Variants in MOGAT1 observed in about 807,000 individuals in gnomAD.
The protein encoded by MOGAT1 is 2-acylglycerol O-acyltransferase 1.
Under a neutral mutation model 31.4 loss-of-function variants are expected in MOGAT1, and 32 were observed. The ratio of observed to expected loss-of-function variants is 1.02; its 90% CI spans 0.77 to 1.37. The LOEUF (loss-of-function observed/expected upper bound fraction) is 1.37, where lower values mean the gene tolerates loss of function less well. Ranked by LOEUF, MOGAT1 falls within the 40% of genes most tolerant of loss-of-function variation. MOGAT1 has a pLI of 0.00. For synonymous variants in MOGAT1, 145 were observed against 144.5 expected (o/e 1.00, Z -0.03); for missense variants, 426 against 402.0 (o/e 1.06, Z -0.51).
chr2:222,676,848 T>C (rs1574968730), intron 1 of MOGAT1, among the ~76,000 whole-genome samples: 2 of 152,356 alleles, frequency 1.3e-5, no homozygotes, highest in East Asian at 3.9e-4. Context: ...ATAAACTTCA[T>C]GGGATTTTTG....
At chr2:222,678,959 C>A (rs1399362970) in intron 1 of MOGAT1, among the ~76,000 whole-genome samples, 3 of 152,056 alleles carry the variant, frequency 2.0e-5, no homozygotes, top group Non-Finnish European at 2.9e-5. Context: ...AAAAAAAGTT[C>A]TTTGCTTAAT....
chr2:222,706,713 G>A (rs1343819850), intron 5 of MOGAT1, among the ~76,000 whole-genome samples: 1 of 152,114 alleles, frequency 6.6e-6, no homozygotes, highest in Non-Finnish European at 1.5e-5. Flanking sequence ...CCCCTACCCT[G>A]AATAGTTACA....
intron 1 of MOGAT1, among the ~76,000 whole-genome samples, chr2:222,676,516 G>A (rs1257700329): frequency 6.6e-6 from 1 of 152,178 alleles, no homozygotes; most frequent in South Asian, 2.1e-4. Context: ...TGAATATTTG[G>A]CTCATAGCTA....
At chr2:222,690,850 T>A (rs557202362) in intron 3 of MOGAT1, among the ~76,000 whole-genome samples, 1 of 152,372 alleles carries the variant, frequency 6.6e-6, no homozygotes, top group East Asian at 1.9e-4. Context: ...GGGGAATTAC[T>A]TCTCTTCCTT....
chr2:222,709,186 T>C (rs934403506), intron 5 of MOGAT1, among the ~76,000 whole-genome samples: 3 of 150,430 alleles, frequency 2.0e-5, no homozygotes, highest in African/African-American at 7.3e-5. Flanking sequence ...GGCATGGTGG[T>C]GGGAGCCTGT....
chr2:222,692,817 C>T (rs1692782295), intron 3 of MOGAT1, among the ~76,000 whole-genome samples: 11 of 152,108 alleles, frequency 7.2e-5, no homozygotes, highest in Admixed American at 6.5e-4. Context: ...GAGGAGTGGC[C>T]AGAGGCAAGC....
chr2:222,708,360 A>G (rs1284362318), intron 5 of MOGAT1, among the ~76,000 whole-genome samples: 2 of 152,202 alleles, frequency 1.3e-5, no homozygotes, highest in African/African-American at 4.8e-5. Flanking sequence ...TTGGGATTAC[A>G]GGCGTGAGAC....
intron 1 of MOGAT1, among the ~76,000 whole-genome samples, chr2:222,679,670 C>CCTGTATAG (rs1692550152): frequency 6.6e-6 from 1 of 152,186 alleles, no homozygotes; most frequent in Non-Finnish European, 1.5e-5. Flanking sequence ...GCAAAGGAAT[C>CCTGTATAG]CACATGTTGT....
At chr2:222,700,453 C>T (rs1165124061) in intron 5 of MOGAT1, among the ~76,000 whole-genome samples, 1 of 152,132 alleles carries the variant, frequency 6.6e-6, no homozygotes, top group African/African-American at 2.4e-5. Context: ...TGCTTCAGTC[C>T]CTCCCTCTAC....
intron 1 of MOGAT1, among the ~76,000 whole-genome samples, chr2:222,684,463 AC>A (rs1250536912): frequency 6.6e-6 from 1 of 152,190 alleles, no homozygotes; most frequent in Non-Finnish European, 1.5e-5. Context: ...ATGATTTGAA[AC>A]AAAAAATGTA....
At chr2:222,698,477 C>G (rs1271097015) in intron 5 of MOGAT1, 1 of 152,162 alleles carries the variant, frequency 6.6e-6, no homozygotes, top group Non-Finnish European at 1.5e-5. Context: ...TGCTGGTGAT[C>G]CTGAACAGGA....
At chr2:222,676,721 T>C (rs900484240) in intron 1 of MOGAT1, among the ~76,000 whole-genome samples, 5 of 152,242 alleles carry the variant, frequency 3.3e-5, no homozygotes, top group Non-Finnish European at 5.9e-5. Flanking sequence ...ATGAGAGCTC[T>C]AATTGCTCCA....
chr2:222,681,281 T>C (rs1189096624), intron 1 of MOGAT1, among the ~76,000 whole-genome samples: 2 of 152,210 alleles, frequency 1.3e-5, no homozygotes, highest in South Asian at 2.1e-4. Context: ...CAAGTCCAGG[T>C]TGGCACTTGT....
intron 5 of MOGAT1, among the ~76,000 whole-genome samples, chr2:222,704,249 T>C (rs1045357211): frequency 6.6e-6 from 1 of 152,106 alleles, no homozygotes; most frequent in Non-Finnish European, 1.5e-5. Context: ...ATGTTGAAAA[T>C]GTTTTTTCTT....
chr2:222,705,392 G>A (rs1692990568), intron 5 of MOGAT1, among the ~76,000 whole-genome samples: 1 of 152,198 alleles, frequency 6.6e-6, no homozygotes, highest in African/African-American at 2.4e-5. Flanking sequence ...TCAAGATGGA[G>A]TTGCACTGAT....
chr2:222,677,691 G>C (rs180863641), intron 1 of MOGAT1: 83 of 422,648 alleles, frequency 2.0e-4, no homozygotes, highest in Non-Finnish European at 9.5e-6. Context: ...TGACACAGTA[G>C]CAGCCTTTCT....
At chr2:222,705,865 C>T (rs1374685466) in intron 5 of MOGAT1, among the ~76,000 whole-genome samples, 1 of 152,154 alleles carries the variant, frequency 6.6e-6, no homozygotes, top group Non-Finnish European at 1.5e-5. Context: ...TGCTAATAGG[C>T]TGGTAGCTTT....
intron 1 of MOGAT1, among the ~76,000 whole-genome samples, chr2:222,685,598 C>CTTTTTTTTTT (rs574124301): frequency 8.3e-5 from 10 of 120,004 alleles, no homozygotes; most frequent in Non-Finnish European, 1.0e-4. Context: ...TCTTCTTCTT[C>CTTTTTTTTTT]TTTTTTTTTT....
chr2:222,675,327 AT>A (rs1305481841), intron 1 of MOGAT1, among the ~76,000 whole-genome samples: 1 of 152,060 alleles, frequency 6.6e-6, no homozygotes, highest in Non-Finnish European at 1.5e-5. Flanking sequence ...TGCTTGTCTC[AT>A]TATTTGTGTC....
Sources: allele counts gnomAD v4.1 joint callset (sites outside exome capture counted in the v4.1 genomes callset), GRCh38; gene constraint gnomAD v4.1.1; transcripts MANE v1.5; gene names NCBI Gene and HGNC (gene_info 2026-07-23, HGNC 2026-07-21).